The following STXBP5L variants were observed in gnomAD, a reference collection of about 807,000 sequenced individuals.
STXBP5L encodes the protein syntaxin binding protein 5L, also known as syntaxin-binding protein 5-like.
In STXBP5L, 65 loss-of-function variants were observed where a neutral mutation model predicts 144.5. The ratio of observed to expected loss-of-function variants is 0.45; its 90% CI spans 0.37 to 0.55. The LOEUF (loss-of-function observed/expected upper bound fraction) is 0.55, where lower values mean the gene tolerates loss of function less well. STXBP5L is among the 20% of genes least tolerant of loss of function. The probability of loss-of-function intolerance (pLI) is 0.00; values close to 1 mark genes in which losing one functional copy is unlikely to be tolerated. For synonymous variants in STXBP5L, 505 were observed against 469.6 expected, an observed-to-expected ratio of 1.08 and a Z score of -0.97; for missense variants, 1,298 against 1,405.5, an observed-to-expected ratio of 0.92 and a Z score of 1.22.
chr3:120,918,916 T>C (rs1464424622), intron 2 of STXBP5L, among the ~76,000 whole-genome samples: 1 of 152,130 alleles, frequency 6.6e-6, no homozygotes, highest in Non-Finnish European at 1.5e-5. Flanking sequence ...TGTGAGGAAG[T>C]GGGTGGGTTG....
At chr3:121,178,127 G>A (rs1404948823) in intron 9 of STXBP5L, among the ~76,000 whole-genome samples, 1 of 152,156 alleles carries the variant, frequency 6.6e-6, no homozygotes, top group Non-Finnish European at 1.5e-5. Flanking sequence ...TAAGGAAAAA[G>A]GGGATATAAA....
At chr3:121,119,940 A>C (rs932454852) in intron 6 of STXBP5L, among the ~76,000 whole-genome samples, 2 of 151,344 alleles carry the variant, frequency 1.3e-5, no homozygotes, top group African/African-American at 4.8e-5. Flanking sequence ...GGATCTAAAC[A>C]CAAGAGTCTT....
intron 3 of STXBP5L, among the ~76,000 whole-genome samples, chr3:121,007,021 A>T (rs980454225): frequency 6.6e-6 from 1 of 151,888 alleles, no homozygotes; most frequent in African/African-American, 2.4e-5. Flanking sequence ...TCTGACAATT[A>T]TGTGTCTTGG....
intron 19 of STXBP5L, among the ~76,000 whole-genome samples, chr3:121,298,100 G>T (rs2051731811): frequency 6.6e-6 from 1 of 152,066 alleles, no homozygotes; most frequent in Non-Finnish European, 1.5e-5. Context: ...CCCACCAATA[G>T]TGCACAATGA....
At chr3:121,396,259 CT>C (rs1354770074) in intron 22 of STXBP5L, among the ~76,000 whole-genome samples, 1 of 152,206 alleles carries the variant, frequency 6.6e-6, no homozygotes, top group Non-Finnish European at 1.5e-5. Flanking sequence ...TGCAACTGCT[CT>C]TTTAAGGAAA....
At chr3:121,004,258 T>G (rs1235378137) in intron 3 of STXBP5L, among the ~76,000 whole-genome samples, 1 of 151,712 alleles carries the variant, frequency 6.6e-6, no homozygotes, top group African/African-American at 2.4e-5. Context: ...CTTGAAGAGG[T>G]CCTTCACATC....
chr3:120,960,764 G>T (rs994439256), intron 3 of STXBP5L, among the ~76,000 whole-genome samples: 1 of 151,892 alleles, frequency 6.6e-6, no homozygotes, highest in African/African-American at 2.4e-5. Context: ...CTGTTGTGGG[G>T]TGGGGGCAGG....
At chr3:121,168,535 G>T (rs79486786) in intron 9 of STXBP5L, among the ~76,000 whole-genome samples, 2 of 152,050 alleles carry the variant, frequency 1.3e-5, no homozygotes, top group African/African-American at 4.8e-5. Context: ...CGAGAACTTC[G>T]TGAAGCATAC....
chr3:121,408,639 C>T (rs1043402736), intron 23 of STXBP5L, among the ~76,000 whole-genome samples: 4 of 151,878 alleles, frequency 2.6e-5, no homozygotes, highest in East Asian at 1.9e-4. Flanking sequence ...AAATTGTTGA[C>T]GACCTTGAAT....
intron 20 of STXBP5L, among the ~76,000 whole-genome samples, chr3:121,342,479 C>T (rs2108586019): frequency 6.6e-6 from 1 of 151,236 alleles, no homozygotes; most frequent in East Asian, 2.0e-4. Flanking sequence ...GTATATCTCC[C>T]ACAGCTATCC....
intron 22 of STXBP5L, among the ~76,000 whole-genome samples, chr3:121,405,415 A>T (rs2046973572): frequency 6.6e-6 from 1 of 152,034 alleles, no homozygotes; most frequent in Admixed American, 6.6e-5. Context: ...GAAGGCAGGG[A>T]CTTTTGTCTG....
At chr3:121,081,210 C>A (rs2042234119) in intron 5 of STXBP5L, among the ~76,000 whole-genome samples, 2 of 151,878 alleles carry the variant, frequency 1.3e-5, no homozygotes, top group African/African-American at 4.8e-5. Context: ...AGTTGTAGTT[C>A]TTTTTCTTTA....
chr3:120,924,304 G>C (rs901825173), intron 2 of STXBP5L, among the ~76,000 whole-genome samples: 6 of 152,056 alleles, frequency 3.9e-5, no homozygotes. Context: ...ATGCTAGAGG[G>C]CAAAATATTT....
chr3:121,244,578 G>T (rs1374967996), intron 14 of STXBP5L, among the ~76,000 whole-genome samples: 1 of 152,000 alleles, frequency 6.6e-6, no homozygotes, highest in Non-Finnish European at 1.5e-5. Flanking sequence ...AATTCAAGAA[G>T]CTTAAACAAG....
rs1037401678 is a variant in STXBP5L at position 121,001,610 on chromosome 3, A to G, written c.288-40090A>G. ...GGAGCTCATGGAGTCTCCTGCATCTAGGTGTCCTTGGTTACATGGCAAGAG... is the reference window on the plus strand; with the variant it reads ...GGAGCTCATGGAGTCTCCTGCATCTGGGTGTCCTTGGTTACATGGCAAGAG... On this transcript the variant is annotated intron_variant, in intron 3 of 26. Transcript: ENST00000471454. Among the ~76,000 whole-genome samples the G allele has an allele frequency of 2.0e-5, 3 of 152,114 alleles. 1 individual carries two copies. The South Asian group carries it at 6.2e-4, about 32-fold the overall frequency.
At chr3:121,091,446 C>T (rs1190537036) in intron 5 of STXBP5L, among the ~76,000 whole-genome samples, 26 of 151,708 alleles carry the variant, frequency 1.7e-4, no homozygotes, top group Admixed American at 7.3e-4. Context: ...ACCTGTTGTT[C>T]CCTGACTTTT....
chr3:121,085,635 C>A lies in STXBP5L; in HGVS notation c.471-29290C>A, dbSNP rs1318016190. Among the ~76,000 whole-genome samples, 5 of 152,206 alleles carry A rather than the reference C, an allele frequency of 3.3e-5. No individual in the cohort carries two copies. The East Asian group carries it at 9.6e-4, about 29-fold the overall frequency. ...AGCTAACAAGGGAAGTCAAGGAGCA[C>A]TTCAAGAACTACAAACCACTGCTCA... On this transcript the variant is annotated intron_variant, in intron 5 of 26. Transcript: ENST00000471454.
intron 5 of STXBP5L, among the ~76,000 whole-genome samples, chr3:121,114,495 G>A (rs1457875886): frequency 6.6e-6 from 1 of 151,986 alleles, no homozygotes; most frequent in Non-Finnish European, 1.5e-5. Flanking sequence ...TGTATTTGAA[G>A]CAAATATGAT....
chr3:121,290,058 G>T (rs540098011), intron 19 of STXBP5L, among the ~76,000 whole-genome samples: 6 of 152,086 alleles, frequency 3.9e-5, no homozygotes, highest in Admixed American at 3.3e-4. Context: ...AAAGATCAGA[G>T]CAGAACTAAA....
Sources: gnomAD v4.1 joint callset for allele counts (sites outside exome capture counted in the v4.1 genomes callset) on GRCh38, gnomAD v4.1.1 for gene constraint, MANE v1.5 for transcripts, NCBI Gene and HGNC (gene_info 2026-07-23, HGNC 2026-07-21) for gene names.